The following PTPRD variants were observed in gnomAD, a reference collection of about 807,000 sequenced individuals.
PTPRD encodes protein tyrosine phosphatase receptor type D.
In PTPRD, 34 loss-of-function variants were observed where a neutral mutation model predicts 214.5. That is an observed-to-expected ratio of 0.16 (90% CI 0.12 to 0.21). The LOEUF is 0.21. Ranked by LOEUF, PTPRD falls within the 10% of genes least tolerant of loss-of-function variation. The probability of loss-of-function intolerance (pLI) is 1.00; values close to 1 mark genes in which losing one functional copy is unlikely to be tolerated. For synonymous variants in PTPRD, 1,128 were observed against 845.7 expected, an observed-to-expected ratio of 1.33 and a Z score of -5.79; for missense variants, 2,545 against 2,398.7, an observed-to-expected ratio of 1.06 and a Z score of -1.27.
intron 8 of PTPRD, among the ~76,000 whole-genome samples, chr9:9,473,443 G>T (rs2094777210): frequency 6.6e-6 from 1 of 152,210 alleles, no homozygotes; most frequent in East Asian, 1.9e-4. Context: ...TGGAGGTGCA[G>T]GTATCTCTTT....
intron 8 of PTPRD, among the ~76,000 whole-genome samples, chr9:9,536,702 G>A (rs13292962): frequency 0.062 from 9,480 of 152,020 alleles, 404 homozygotes; most frequent in South Asian, 0.13. Flanking sequence ...GCCTGCCAGG[G>A]CTCAGTGCTG....
chr9:10,331,319 G>T (rs991909724), intron 3 of PTPRD, among the ~76,000 whole-genome samples: 18 of 151,756 alleles, frequency 1.2e-4, no homozygotes, highest in Non-Finnish European at 7.4e-5. Flanking sequence ...AGCTAAAAGG[G>T]CATTGAGAAG....
chr9:8,626,381 T>C (rs922212431), intron 14 of PTPRD, among the ~76,000 whole-genome samples: 1 of 151,872 alleles, frequency 6.6e-6, no homozygotes, highest in Admixed American at 6.6e-5. Context: ...CCTTAGCCAA[T>C]GAGTCACGTC....
chr9:9,352,344 T>C (rs1266062248), intron 9 of PTPRD, among the ~76,000 whole-genome samples: 1 of 145,244 alleles, frequency 6.9e-6, no homozygotes, highest in Admixed American at 7.1e-5. Flanking sequence ...TGTGTGTGTG[T>C]GTGTGTGTGT....
At chr9:8,353,306 C>G (rs924263191) in intron 39 of PTPRD, among the ~76,000 whole-genome samples, 2 of 152,148 alleles carry the variant, frequency 1.3e-5, no homozygotes, top group African/African-American at 2.4e-5. Flanking sequence ...CTAGCAACCT[C>G]CAGCAGGCCT....
At chr9:9,887,409 A>G (rs1359488525) in intron 5 of PTPRD, among the ~76,000 whole-genome samples, 2 of 152,174 alleles carry the variant, frequency 1.3e-5, no homozygotes, top group African/African-American at 2.4e-5. Context: ...CAAAGGATAC[A>G]TATAGTCATG....
chr9:8,451,965 G>A (rs2095974639), intron 33 of PTPRD: 1 of 416,960 alleles, frequency 2.4e-6, no homozygotes, highest in Non-Finnish European at 4.7e-6. Flanking sequence ...CTGAGCTGGA[G>A]GGTAGAAAAG....
chr9:10,545,289 T>C (rs2059951943), intron 2 of PTPRD, among the ~76,000 whole-genome samples: 1 of 152,176 alleles, frequency 6.6e-6, no homozygotes, highest in African/African-American at 2.4e-5. Flanking sequence ...CTTCCCTGCA[T>C]GCCTGGAGGT....
chr9:10,420,552 C>T lies in PTPRD; in HGVS notation c.-599-79535G>A, dbSNP rs546910388. 3.3e-5 allele frequency among the ~76,000 whole-genome samples: 5 copies of T among 151,534 alleles called. No homozygotes were observed. In the East Asian group the frequency reaches 7.9e-4, roughly 24 times the overall value. ...TTTTATTAGTCCTTTAAGGTACAAA[C>T]GACGGGGGGGCTGAAGCAGATTAAA... is the stretch of plus-strand genomic sequence containing the variant. On this transcript the variant is annotated intron_variant, in intron 2 of 45. Coordinates refer to ENST00000381196, the MANE Select transcript of PTPRD (RefSeq NM_002839.4).
chr9:8,515,053 G>A (rs889707873), intron 21 of PTPRD, among the ~76,000 whole-genome samples: 8 of 152,122 alleles, frequency 5.3e-5, no homozygotes, highest in Non-Finnish European at 7.4e-5. Flanking sequence ...ATTGTGAGTC[G>A]ATTAAACCTC....
intron 3 of PTPRD, among the ~76,000 whole-genome samples, chr9:10,066,935 C>T (rs2097897371): frequency 6.6e-6 from 1 of 150,554 alleles, no homozygotes; most frequent in Non-Finnish European, 1.5e-5. Context: ...TAAACTGTTG[C>T]TTTGATGTAA....
intron 8 of PTPRD, among the ~76,000 whole-genome samples, chr9:9,517,064 C>G (rs2096855995): frequency 6.6e-6 from 1 of 151,480 alleles, no homozygotes; most frequent in Non-Finnish European, 1.5e-5. Flanking sequence ...GAGACAGAAA[C>G]TAAATGTTAG....
intron 10 of PTPRD, among the ~76,000 whole-genome samples, chr9:9,145,179 CCACTGTGAAT>C (rs1341082399): frequency 6.6e-6 from 1 of 152,108 alleles, no homozygotes; most frequent in Non-Finnish European, 1.5e-5. Context: ...TCTATCTTGG[CCACTGTGAAT>C]CACTTTCTAA....
intron 43 of PTPRD, among the ~76,000 whole-genome samples, chr9:8,336,360 C>T (rs1010473227): frequency 6.7e-6 from 1 of 149,416 alleles, no homozygotes; most frequent in Admixed American, 6.6e-5. Context: ...AAAGGCTCCT[C>T]TATTTAATAA....
chr9:10,424,321 C>A (rs543035705), intron 2 of PTPRD, among the ~76,000 whole-genome samples: 7,681 of 149,420 alleles, frequency 0.051, 666 homozygotes, highest in African/African-American at 0.17. Context: ...TTTTCTCTCT[C>A]TCTCTCTCTC....
At chr9:10,264,007 G>A (rs2093879768) in intron 3 of PTPRD, among the ~76,000 whole-genome samples, 1 of 152,186 alleles carries the variant, frequency 6.6e-6, no homozygotes. Flanking sequence ...CCAAGGCTTG[G>A]CAGCTTCCAC....
At chr9:10,071,885 T>C (rs769950540) in intron 3 of PTPRD, among the ~76,000 whole-genome samples, 2 of 152,010 alleles carry the variant, frequency 1.3e-5, no homozygotes, top group African/African-American at 2.4e-5. Context: ...GATATGTTTC[T>C]GTATCTTGCT....
At chr9:8,903,892 C>T (rs1007619632) in intron 11 of PTPRD, among the ~76,000 whole-genome samples, 1 of 146,508 alleles carries the variant, frequency 6.8e-6, no homozygotes, top group Non-Finnish European at 1.5e-5. Context: ...TATTTATATC[C>T]CTCCAATTTA....
At chr9:9,861,303 G>GTTTTTTTTTTTTTTTT (rs2062714071) in intron 5 of PTPRD, among the ~76,000 whole-genome samples, 1 of 151,740 alleles carries the variant, frequency 6.6e-6, no homozygotes, top group East Asian at 1.9e-4. Context: ...TTTGCTTTTT[G>GTTTTTTTTTTTTTTTT]TTTTTGAGAC....
Sources: allele counts gnomAD v4.1 joint callset (sites outside exome capture counted in the v4.1 genomes callset), GRCh38; gene constraint gnomAD v4.1.1; transcripts MANE v1.5; gene names NCBI Gene and HGNC (gene_info 2026-07-23, HGNC 2026-07-21).